OTOGL: variants seen among roughly 807,000 people sequenced by gnomAD.
OTOGL encodes the protein otogelin-like protein.
OTOGL carries 285 observed loss-of-function variants against 318.5 expected under a neutral mutation model. That is an observed-to-expected ratio of 0.89 (90% CI 0.81 to 0.99). The LOEUF (loss-of-function observed/expected upper bound fraction) is 0.99. Ranked by LOEUF, OTOGL falls within the 50% of genes least tolerant of loss-of-function variation. The pLI is 0.00. For missense variants in OTOGL, 2,899 were observed against 2,845.6 expected (o/e 1.02, Z -0.43); for synonymous variants, 987 against 936.5 (o/e 1.05, Z -0.99).
intron 1 of OTOGL, among the ~76,000 whole-genome samples, chr12:80,184,835 G>A (rs141518814): frequency 6.6e-6 from 1 of 152,166 alleles, no homozygotes; most frequent in African/African-American, 2.4e-5. Flanking sequence ...AAATAAACGT[G>A]GCTCCTTGGC....
At chr12:80,110,588 T>A (rs1869777387) in intron 1 of OTOGL, among the ~76,000 whole-genome samples, 1 of 151,214 alleles carries the variant, frequency 6.6e-6, no homozygotes, top group Non-Finnish European at 1.5e-5. Flanking sequence ...GAATTCATTC[T>A]TTTTTATGGC....
chr12:80,357,905 A>G (rs1592752457), intron 49 of OTOGL, among the ~76,000 whole-genome samples: 2 of 152,284 alleles, frequency 1.3e-5, no homozygotes, highest in South Asian at 2.1e-4. Context: ...CTACATTTTC[A>G]TCCCTAAATG....
At chr12:80,302,110 T>C (rs1177828169) in intron 27 of OTOGL, among the ~76,000 whole-genome samples, 1 of 152,228 alleles carries the variant, frequency 6.6e-6, no homozygotes, top group African/African-American at 2.4e-5. Context: ...ACAGCTTCTT[T>C]TTGCCTGAAT....
At chr12:80,220,207 T>C (rs1878172968) in intron 6 of OTOGL, among the ~76,000 whole-genome samples, 2 of 152,172 alleles carry the variant, frequency 1.3e-5, no homozygotes, top group South Asian at 4.1e-4. Flanking sequence ...TCACTCAGGC[T>C]GGAGTGCAAT....
rs529975093 is a variant in OTOGL at position 80,171,980 on chromosome 12, A to G, written c.-19-37433A>G. Among the ~76,000 whole-genome samples the G allele has an allele frequency of 1.0e-3, 155 of 152,232 alleles. 1 individual carries two copies. The highest frequency in any genetic ancestry group is 3.4e-3 in the African/African-American group (142 of 41,538). On this transcript the variant is annotated intron_variant, in intron 1 of 58. Coordinates refer to ENST00000547103, the MANE Select transcript of OTOGL (RefSeq NM_001378609.3). ...AAAATTAGACCTTTCTTCTTTTCCA[A>G]GATAGACATATAATGCTATAAGTTT...
chr12:80,169,368 C>G (rs937021248), intron 1 of OTOGL, among the ~76,000 whole-genome samples: 1 of 152,128 alleles, frequency 6.6e-6, no homozygotes, highest in African/African-American at 2.4e-5. Context: ...CTTGTCCCCT[C>G]TCCTCCAAAT....
At chr12:80,201,346 G>A (rs895269186) in intron 1 of OTOGL, among the ~76,000 whole-genome samples, 2 of 152,150 alleles carry the variant, frequency 1.3e-5, no homozygotes, top group Non-Finnish European at 2.9e-5. Context: ...AGGGCCTCAG[G>A]AAGCTTCCAA....
At chr12:80,111,368 T>G (rs1869827229) in intron 1 of OTOGL, among the ~76,000 whole-genome samples, 1 of 152,228 alleles carries the variant, frequency 6.6e-6, no homozygotes, top group Non-Finnish European at 1.5e-5. Flanking sequence ...TTCTAAAGTT[T>G]TTATGGTTTT....
At chr12:80,242,988 T>C (rs1880511699) in intron 11 of OTOGL, among the ~76,000 whole-genome samples, 1 of 152,096 alleles carries the variant, frequency 6.6e-6, no homozygotes, top group African/African-American at 2.4e-5. Context: ...ATGATTTTAA[T>C]TTTGCGATGC....
chr12:80,219,493 G>T lies in OTOGL; in HGVS notation c.236-321G>T, dbSNP rs148727553. 2.3e-3 allele frequency among the ~76,000 whole-genome samples: 347 copies of T among 152,322 alleles called. 1 individual carries two copies. The highest frequency in any genetic ancestry group is 8.1e-3 in the African/African-American group (338 of 41,570). ...CTGTCAACGGAATCATCTGCAGCTT[G>T]TGTATTTCTGGTTCTCATCATCTGG... On this transcript the variant is annotated intron_variant, in intron 5 of 58. Transcript: ENST00000547103.
intron 19 of OTOGL, 22 bp from the exon 20 acceptor site, chr12:80,264,979 T>C (rs1214452240): frequency 6.2e-7 from 1 of 1,610,340 alleles, no homozygotes; most frequent in Non-Finnish European, 8.5e-7. Flanking sequence ...TTAAATAAGA[T>C]GCTAATTGGG....
rs1282909193 is a variant in OTOGL at position 80,100,035 on chromosome 12, G to A, written c.-20+430G>A. Among the ~76,000 whole-genome samples the A allele has an allele frequency of 2.0e-5, 3 of 152,098 alleles. No homozygotes were observed. In the East Asian group the frequency reaches 5.8e-4, roughly 29 times the overall value. ...TCTAAAAGGATCAATTACACACATG[G>A]CTCCTGCCCATTTTCTGTTACTCTT... On this transcript the variant is annotated intron_variant, in intron 1 of 58. Coordinates refer to ENST00000547103, the MANE Select transcript of OTOGL (RefSeq NM_001378609.3).
At chr12:80,273,839 C>T (rs1405796113) in intron 24 of OTOGL, among the ~76,000 whole-genome samples, 4 of 151,878 alleles carry the variant, frequency 2.6e-5, no homozygotes, top group African/African-American at 9.7e-5. Context: ...GTAATTTTTG[C>T]AATATTTCAG....
chr12:80,116,896 A>G (rs925596641), intron 1 of OTOGL, among the ~76,000 whole-genome samples: 1 of 152,214 alleles, frequency 6.6e-6, no homozygotes, highest in African/African-American at 2.4e-5. Flanking sequence ...ATAATTCCAT[A>G]AAGTGTGTCA....
chr12:80,325,291 A>G (rs1444984751), intron 35 of OTOGL, among the ~76,000 whole-genome samples: 1 of 152,208 alleles, frequency 6.6e-6, no homozygotes, highest in Non-Finnish European at 1.5e-5. Flanking sequence ...CGAGGAGTGC[A>G]CAGTCTTTGG....
Position 80,279,039 on chromosome 12 carries a change from G to T in OTOGL, c.2801G>T (p.Arg934Leu), listed in dbSNP as rs779558696. 6 of 1,591,636 alleles carry T rather than the reference G, an allele frequency of 3.8e-6. No individual in the cohort carries two copies. Among genetic ancestry groups the T allele is most frequent in the Non-Finnish European group, 5.1e-6 (6 of 1,174,480 alleles). ...TTATTTTTTAATAGCGTTTGTCGAC[G>T]AGGAATGTTCAATTGCACATATTAT... is the stretch of plus-strand genomic sequence containing the variant. Reference protein sequence around the residue: ...ATPCYTCVCRRGMFNCTYYPC... With the variant: ...ATPCYTCVCRLGMFNCTYYPC... Residue 934 changes from arginine to leucine, a missense_variant, in exon 26 of 59, where the codon CGA (arginine) becomes CTA (leucine). Arg to Leu is a moderately radical substitution (Grantham distance 102). Around this residue, in one of 3 missense-constraint regions of OTOGL, gnomAD observed 2,607 missense variants for 2,524.9 expected, o/e 1.03. Coordinates refer to ENST00000547103, the MANE Select transcript of OTOGL (RefSeq NM_001378609.3).
chr12:80,343,526 T>TTTTTTTTTTTTTTTTC (rs1555301044), intron 44 of OTOGL: 5 of 118,160 alleles, frequency 4.2e-5, no homozygotes, highest in African/African-American at 2.3e-4. Context: ...TTTTTTTTTT[T>TTTTTTTTTTTTTTTTC]TTTTTTTTTT....
chr12:80,287,667 T>C (rs1884736443), intron 26 of OTOGL, among the ~76,000 whole-genome samples: 1 of 152,216 alleles, frequency 6.6e-6, no homozygotes, highest in Non-Finnish European at 1.5e-5. Context: ...TCTTTGTCTT[T>C]TTTGATCTTT....
chr12:80,297,474 A>G (rs1351485215), intron 27 of OTOGL, among the ~76,000 whole-genome samples: 5 of 151,788 alleles, frequency 3.3e-5, no homozygotes, highest in African/African-American at 1.2e-4. Context: ...TGGGATTAAC[A>G]TATGCACGCC....
Sources: gnomAD v4.1 joint callset for allele counts (sites outside exome capture counted in the v4.1 genomes callset) on GRCh38, gnomAD v4.1.1 for gene constraint, gnomAD v4.1.1 regional missense constraint, MANE v1.5 for transcripts, NCBI Gene and HGNC (gene_info 2026-07-23, HGNC 2026-07-21) for gene names.